Variants in OR11A1 observed in about 807,000 individuals in gnomAD.
OR11A1 encodes olfactory receptor family 11 subfamily A member 1.
For synonymous variants in OR11A1, 158 were observed against 152.2 expected (o/e 1.04, Z -0.28); for missense variants, 380 against 378.2 (o/e 1.00, Z -0.04).
rs1561792613 is a variant in OR11A1, at chr6:29,440,045, G to A, written c.-388-8058C>T. 10 of 1,613,134 alleles carry A rather than the reference G, an allele frequency of 6.2e-6. No individual in the cohort carries two copies. The East Asian group carries it at 1.1e-4, about 18-fold the overall frequency. On this transcript the variant is annotated intron_variant, in intron 1 of 4. Transcript: ENST00000377149. ...GTGCAAACACCTCCATGGTGACTGA[G>A]TTTCTTCTTCTCGGCTTCTCCCACC...
Position 29,426,768 on chromosome 6 carries a change from T to C in OR11A1, c.874A>G (p.Thr292Ala), listed in dbSNP as rs1782840274. The C allele has an allele frequency of 5.0e-6, 8 of 1,612,884 alleles. No homozygotes were observed. Among genetic ancestry groups the C allele is most frequent in the Admixed American group, 1.7e-5 (1 of 60,008 alleles). ...TGATGCACCTCCTTGTTCCTCATGG[T>C]ATAGATCACAGGATTGAAGAGAGGG... ...VTPLFNPVIYTMRNKEVHQAL... is the reference protein window; with the variant it reads ...VTPLFNPVIYAMRNKEVHQAL... The change falls in exon 5 of 5, where the codon ACC becomes GCC. Residue 292 changes from threonine to alanine, a missense_variant. By Grantham distance (58) the Thr-to-Ala change is moderately conservative (BLOSUM62 0). Coordinates refer to ENST00000377149, the MANE Select transcript of OR11A1 (RefSeq NM_001394828.1).
At chr6:29,440,654 C>T (rs1481693083) in intron 1 of OR11A1, 1 of 1,614,182 alleles carries the variant, frequency 6.2e-7, no homozygotes, top group African/African-American at 1.3e-5. Flanking sequence ...TTGGCCTCAT[C>T]CTGGGCTCCT....
chr6:29,432,019 T>C, intron 1 of OR11A1, 32 bp from the exon 2 acceptor site: 1 of 985,248 alleles, frequency 1.0e-6, no homozygotes, highest in African/African-American at 1.7e-5. Flanking sequence ...ATTACAAATG[T>C]CACCCTTGTT....
chr6:29,436,447 G>A (rs1253652802), intron 1 of OR11A1, among the ~76,000 whole-genome samples: 1 of 152,080 alleles, frequency 6.6e-6, no homozygotes, highest in Non-Finnish European at 1.5e-5. Context: ...GTGTTATAGG[G>A]CTGTTGGCTG....
At position 29,427,747 on chromosome 6, in the gene OR11A1, A is replaced by C; in HGVS notation, c.-91-15T>G. On this transcript the variant is annotated splice_polypyrimidine_tract_variant and intron_variant, in intron 4 of 4. Transcript: ENST00000377149. The stretch of plus-strand genomic sequence containing the variant: ...CGTTATTAGAGCTAAAACAAAACAA[A>C]ACAAAAAAGACAAAAATGAGTCTCT... 1 of 1,450,746 alleles carries C rather than the reference A, an allele frequency of 6.9e-7. No homozygotes were observed. Among genetic ancestry groups the C allele is most frequent in the Admixed American group, 2.8e-5 (1 of 35,936 alleles). 89.9% of individuals were successfully genotyped at this position (1,450,746 alleles called of 1,614,324 possible).
chr6:29,446,396 A>G (rs956011134), intron 1 of OR11A1, among the ~76,000 whole-genome samples: 1 of 152,112 alleles, frequency 6.6e-6, no homozygotes, highest in Admixed American at 6.5e-5. Flanking sequence ...CTCATCTACC[A>G]TAACCACCAC....
In OR11A1 at chr6:29,426,516, C is replaced by A; in HGVS notation, c.*178G>T. 1.7e-6 allele frequency: 1 copy of A among 577,892 alleles called. No homozygotes were observed. The allele number at this position is 577,892 out of a possible 1,614,324, so 35.8% of individuals were successfully genotyped here. ...TATGTAACAAACCTGCACATGTACC[C>A]TTGAACTTAAAATAAAAGTTAAAAA... On this transcript the variant is annotated 3_prime_UTR_variant, in exon 5 of 5. Transcript: ENST00000377149.
At chr6:29,429,239 T>C (rs1464834685) in intron 3 of OR11A1, among the ~76,000 whole-genome samples, 2 of 152,198 alleles carry the variant, frequency 1.3e-5, no homozygotes, top group African/African-American at 2.4e-5. Context: ...TTTTGTAGTT[T>C]TGCCTAAGAC....
chr6:29,439,254 G>A (rs1019725939), intron 1 of OR11A1: 2 of 152,104 alleles, frequency 1.3e-5, no homozygotes, highest in African/African-American at 2.4e-5. Context: ...TGTAGTTTGG[G>A]GATTTTCATG....
chr6:29,451,602 T>A (rs1483300145), intron 1 of OR11A1, among the ~76,000 whole-genome samples: 1 of 152,156 alleles, frequency 6.6e-6, no homozygotes, highest in African/African-American at 2.4e-5. Context: ...AATATCACTA[T>A]TCATTAGAGA....
rs555148051 is a variant in OR11A1 at position 29,452,962 on chromosome 6, C to T, written c.-389+4025G>A. Among the ~76,000 whole-genome samples, 52 of 151,600 alleles carry T rather than the reference C, an allele frequency of 3.4e-4. 1 individual carries two copies. The highest frequency in any genetic ancestry group is 2.7e-3 in the South Asian group (13 of 4,808). On this transcript the variant is annotated intron_variant, in intron 1 of 4. Coordinates refer to ENST00000377149, the MANE Select transcript of OR11A1 (RefSeq NM_001394828.1). ...GTTGTAACATATGTAAAGTAAAACACGGCAATAGCTGCACAAAGAATGGGA... is the reference window on the plus strand; with the variant it reads ...GTTGTAACATATGTAAAGTAAAACATGGCAATAGCTGCACAAAGAATGGGA...
intron 1 of OR11A1, among the ~76,000 whole-genome samples, chr6:29,446,891 G>A (rs1267462809): frequency 6.6e-6 from 1 of 152,136 alleles, no homozygotes; most frequent in Non-Finnish European, 1.5e-5. Flanking sequence ...GATCCATTTT[G>A]CAATCACCCT....
At chr6:29,446,755 A>G (rs1373660852) in intron 1 of OR11A1, among the ~76,000 whole-genome samples, 2 of 152,220 alleles carry the variant, frequency 1.3e-5, no homozygotes, top group Non-Finnish European at 1.5e-5. Flanking sequence ...GGTTGATAAT[A>G]TACCAGTCAG....
In OR11A1 at chr6:29,429,617, A is replaced by G. The variant is rs145173503; in HGVS notation, c.-139-657T>C. ...TGAGTGATTGCAGTGGAAAATGGAA[A>G]GAATGGAGGTGAGGGCATTTTAGGT... On this transcript the variant is annotated intron_variant, in intron 3 of 4. Transcript: ENST00000377149. Among the ~76,000 whole-genome samples the G allele has an allele frequency of 1.8e-3, 268 of 152,358 alleles. 2 individuals are homozygous for G. The highest frequency in any genetic ancestry group is 2.4e-3 in the African/African-American group (101 of 41,574).
Position 29,453,610 on chromosome 6 carries a change from C to A in OR11A1, c.-389+3377G>T, listed in dbSNP as rs1582632068. Reference sequence around the variant, plus strand: ...AACAAACTCAATCGTGTTTAAGGCTCAGGTATCCAGAGGTTACAGTTTTAA... The same window carrying A: ...AACAAACTCAATCGTGTTTAAGGCTAAGGTATCCAGAGGTTACAGTTTTAA... On this transcript the variant is annotated intron_variant, in intron 1 of 4. Transcript: ENST00000377149. This position sits in a 1 kb window ranked among gnomAD's most constrained non-coding sequence, Gnocchi z 4.5. Among the ~76,000 whole-genome samples, 1 of 152,126 alleles carries A rather than the reference C, an allele frequency of 6.6e-6. No individual in the cohort carries two copies. Among genetic ancestry groups the A allele is most frequent in the African/African-American group, 2.4e-5 (1 of 41,440 alleles).
In OR11A1 at chr6:29,453,510, T is replaced by TA. The variant is rs1205067354; in HGVS notation, c.-389+3476dup. On this transcript the variant is annotated intron_variant, in intron 1 of 4. Transcript: ENST00000377149. The surrounding 1 kb of genome is among the most constrained non-coding windows in gnomAD (Gnocchi z 4.5). ...AGGAATGGCCATGAAAATCAACAAT[T>TA]ACACTATTAAAGAGGGTTGAGATGA... Among the ~76,000 whole-genome samples the TA allele has an allele frequency of 6.6e-6, 1 of 152,096 alleles. No individual in the cohort carries two copies. The highest frequency in any genetic ancestry group is 1.5e-5 in the Non-Finnish European group (1 of 67,998).
chr6:29,453,234 A>G lies in OR11A1; in HGVS notation c.-389+3753T>C, dbSNP rs1427684025. The stretch of plus-strand genomic sequence containing the variant: ...ATATACATTAAAAATAAAATTCACC[A>G]GATATGGTGAATTAAAGAGGACAGC... On this transcript the variant is annotated intron_variant, in intron 1 of 4. Coordinates refer to ENST00000377149, the MANE Select transcript of OR11A1 (RefSeq NM_001394828.1). This position sits in a 1 kb window ranked among gnomAD's most constrained non-coding sequence, Gnocchi z 4.5. 6.6e-6 allele frequency among the ~76,000 whole-genome samples: 1 copy of G among 150,882 alleles called. No homozygotes were observed. Among genetic ancestry groups the G allele is most frequent in the Non-Finnish European group, 1.5e-5 (1 of 67,712 alleles).
At chr6:29,455,523 G>A (rs1785999338) in intron 1 of OR11A1, among the ~76,000 whole-genome samples, 1 of 152,170 alleles carries the variant, frequency 6.6e-6, no homozygotes, top group African/African-American at 2.4e-5. Flanking sequence ...AAATTTCTAA[G>A]AGAATAGATT....
In OR11A1 at chr6:29,432,057, T is replaced by C. The variant is rs144073901; in HGVS notation, c.-388-70A>G. The C allele has an allele frequency of 8.0e-5, 75 of 941,962 alleles. No homozygotes were observed. In the African/African-American group the frequency reaches 1.2e-3, roughly 16 times the overall value. The allele number at this position is 941,962 out of a possible 1,614,324, so 58.4% of individuals were successfully genotyped here. On this transcript the variant is annotated intron_variant, in intron 1 of 4. Transcript: ENST00000377149. ...CCTCCACTCCTGAGCCATTTTCTCT[T>C]CCACCCTCCATCCCCTTTTCTAGCT...
Sources: gnomAD v4.1 joint callset for allele counts (sites outside exome capture counted in the v4.1 genomes callset) on GRCh38, gnomAD v4.1.1 for gene constraint, Gnocchi (gnomAD v3.1) non-coding constraint, MANE v1.5 for transcripts, NCBI Gene and HGNC (gene_info 2026-07-23, HGNC 2026-07-21) for gene names.